SCARB1: variants seen among roughly 807,000 people sequenced by gnomAD.
SCARB1 encodes the protein scavenger receptor class B member 1, also known as CD36 and LIMPII analogous 1.
A neutral mutation model predicts 57.2 loss-of-function variants in SCARB1; 30 were observed. That is an observed-to-expected ratio of 0.52 (90% CI 0.39 to 0.71). SCARB1 has a LOEUF of 0.71. SCARB1 is among the 30% of genes least tolerant of loss of function. SCARB1 has a pLI of 0.00. For missense variants in SCARB1, 543 were observed against 671.2 expected (o/e 0.81, Z 2.11); for synonymous variants, 249 against 268.3 (o/e 0.93, Z 0.70).
In SCARB1 at chr12:124,844,701, G is replaced by A. The variant is rs371341364; in HGVS notation, c.126+18894C>T. 4.6e-5 allele frequency among the ~76,000 whole-genome samples: 7 copies of A among 152,232 alleles called. No individual in the cohort carries two copies. The South Asian group carries it at 8.3e-4, about 18-fold the overall frequency. On this transcript the variant is annotated intron_variant, in intron 1 of 12. Coordinates refer to ENST00000261693, the MANE Select transcript of SCARB1 (RefSeq NM_005505.5). ...CTATGAGGCCGGGAGAGGGGTCTCCGGAGAAGCCAGCCCTGCCAACATCCT... is the reference window on the plus strand; with the variant it reads ...CTATGAGGCCGGGAGAGGGGTCTCCAGAGAAGCCAGCCCTGCCAACATCCT...
chr12:124,843,183 T>C (rs941974762), intron 1 of SCARB1, among the ~76,000 whole-genome samples: 1 of 152,172 alleles, frequency 6.6e-6, no homozygotes, highest in Non-Finnish European at 1.5e-5. Flanking sequence ...CAGCCAGGGC[T>C]TTCTGGGTAA....
chr12:124,782,804 C>G lies in SCARB1; in HGVS notation c.1409G>C (p.Cys470Ser). The change falls in exon 12 of 13, where the codon TGC becomes TCC. Residue 470 changes from cysteine to serine, a missense_variant. Physicochemically the swap from Cys to Ser is moderately radical, Grantham distance 112. Coordinates refer to ENST00000261693, the MANE Select transcript of SCARB1 (RefSeq NM_005505.5). Reference sequence around the variant, plus strand: ...TTTACTACTACTCCAAAATAAATAGCATTTCTCCTAGAAGATAACCAAGCT... The same window carrying G: ...TTTACTACTACTCCAAAATAAATAGGATTTCTCCTAGAAGATAACCAAGCT... ...VICQIRSQEK[C>S]YLFWSSSKKG... The G allele has an allele frequency of 1.2e-6, 2 of 1,614,058 alleles. No individual in the cohort carries two copies. Among genetic ancestry groups the G allele is most frequent in the Non-Finnish European group, 1.7e-6 (2 of 1,179,918 alleles).
intron 1 of SCARB1, among the ~76,000 whole-genome samples, chr12:124,828,533 C>T (rs1951259146): frequency 6.6e-6 from 1 of 152,226 alleles, no homozygotes; most frequent in Non-Finnish European, 1.5e-5. Context: ...GGACGATCTG[C>T]CCGGCCCTGT....
chr12:124,855,293 A>G (rs1489792697), intron 1 of SCARB1, among the ~76,000 whole-genome samples: 1 of 151,992 alleles, frequency 6.6e-6, no homozygotes, highest in African/African-American at 2.4e-5. Flanking sequence ...CAAGAAAATT[A>G]AGACGGCCAG....
Position 124,810,241 on chromosome 12 carries a change from CA to C in SCARB1, c.774del (p.Gln260LysfsTer7), listed in dbSNP as rs749446809. 3.1e-6 allele frequency: 5 copies of C among 1,614,072 alleles called. No homozygotes were observed. Among genetic ancestry groups the C allele is most frequent in the Non-Finnish European group, 4.2e-6 (5 of 1,180,026 alleles). On this transcript the variant is annotated frameshift_variant, in exon 6 of 13. Transcript: ENST00000261693. LOFTEE classifies it high-confidence loss of function. The surrounding 1 kb of genome is among the most constrained non-coding windows in gnomAD (Gnocchi z 4.0). ...SDQCNMINGTSGQMWPPFMTP... is the reference protein window; with the variant it reads ...SDQCNMINGTXGQMWPPFMTP... ...GTCATGAAGGGCGGCCACATTTGCC[CA>C]GAAGTTCCATTGATCATGTTGCACT...
In SCARB1 at chr12:124,819,060, G is replaced by A. The variant is rs373278493; in HGVS notation, c.127-1353C>T. Among the ~76,000 whole-genome samples the A allele has an allele frequency of 9.2e-5, 14 of 151,948 alleles. No homozygotes were observed. In the South Asian group the frequency reaches 2.5e-3, roughly 27 times the overall value. On this transcript the variant is annotated intron_variant, in intron 1 of 12. Transcript: ENST00000261693. ...GAGGGTCACTTGAGCCAAGGAGGTC[G>A]AGGCTGCAGTGAGCTGTAATGGCGC...
intron 11 of SCARB1, chr12:124,785,607 T>G (rs1014455005): frequency 6.2e-6 from 1 of 162,458 alleles, no homozygotes; most frequent in Admixed American, 5.9e-5. Flanking sequence ...TGCATTCAGT[T>G]GGTGAGCCCT....
chr12:124,841,871 A>G (rs1311350963), intron 1 of SCARB1, among the ~76,000 whole-genome samples: 1 of 152,074 alleles, frequency 6.6e-6, no homozygotes, highest in Non-Finnish European at 1.5e-5. Flanking sequence ...GTGCTTCTCC[A>G]TGGCCCATCC....
intron 7 of SCARB1, among the ~76,000 whole-genome samples, chr12:124,803,082 G>A (rs1950189766): frequency 6.6e-6 from 1 of 152,236 alleles, no homozygotes; most frequent in East Asian, 1.9e-4. Flanking sequence ...AATTGCACCA[G>A]GGTGCTAAGG....
At chr12:124,840,347 T>G (rs1442552150) in intron 1 of SCARB1, among the ~76,000 whole-genome samples, 1 of 152,110 alleles carries the variant, frequency 6.6e-6, no homozygotes, top group East Asian at 1.9e-4. Flanking sequence ...CCGGCTAATT[T>G]TTGTATTTTT....
intron 1 of SCARB1, among the ~76,000 whole-genome samples, chr12:124,845,173 C>T (rs1658118782): frequency 6.6e-6 from 1 of 152,092 alleles, no homozygotes; most frequent in African/African-American, 2.4e-5. Flanking sequence ...AGCGAGTTCC[C>T]GAACATGCGC....
rs1039355366 is a variant in SCARB1 at position 124,812,760 on chromosome 12, A to G, written c.631-795T>C. On this transcript the variant is annotated intron_variant, in intron 4 of 12. Coordinates refer to ENST00000261693, the MANE Select transcript of SCARB1 (RefSeq NM_005505.5). The surrounding 1 kb of genome is among the most constrained non-coding windows in gnomAD (Gnocchi z 4.3). ...CAAGGTTGCCCGGCTGAGTGACTGC[A>G]CCCATCACAGACCTCCAGAGCAGGA... Among the ~76,000 whole-genome samples, 16 of 152,096 alleles carry G rather than the reference A, an allele frequency of 1.1e-4. No homozygotes were observed. Among genetic ancestry groups the G allele is most frequent in the Non-Finnish European group, 1.9e-4 (13 of 68,016 alleles).
intron 7 of SCARB1, among the ~76,000 whole-genome samples, chr12:124,801,619 C>T (rs1477737364): frequency 1.3e-5 from 2 of 151,942 alleles, no homozygotes; most frequent in Non-Finnish European, 2.9e-5. Context: ...CCCGTCTCTA[C>T]TAAAAATACA....
chr12:124,840,134 C>A (rs1195155056), intron 1 of SCARB1: 2 of 1,194,102 alleles, frequency 1.7e-6, no homozygotes, highest in Non-Finnish European at 1.1e-6. Context: ...ATTTCCCTAA[C>A]GATGAGCGAG....
chr12:124,792,567 C>T (rs1011461851), intron 9 of SCARB1, among the ~76,000 whole-genome samples: 2 of 151,714 alleles, frequency 1.3e-5, no homozygotes, highest in African/African-American at 4.9e-5. Flanking sequence ...ACTAAAAATA[C>T]AAAAATTAGC....
chr12:124,806,851 A>C (rs1950341630), intron 7 of SCARB1, among the ~76,000 whole-genome samples: 1 of 151,970 alleles, frequency 6.6e-6, no homozygotes, highest in Admixed American at 6.6e-5. Context: ...GCAGTGAGCT[A>C]TAATCGCACC....
Position 124,817,314 on chromosome 12 carries a change from T to C in SCARB1, c.284+236A>G, listed in dbSNP as rs547158046. Reference sequence around the variant, plus strand: ...GCGGAGGATCGCTTGAGCCCAGGACTTCAAAACCAGCCTGGGCAACATAGC... The same window carrying C: ...GCGGAGGATCGCTTGAGCCCAGGACCTCAAAACCAGCCTGGGCAACATAGC... On this transcript the variant is annotated intron_variant, in intron 2 of 12. Coordinates refer to ENST00000261693, the MANE Select transcript of SCARB1 (RefSeq NM_005505.5). The surrounding 1 kb of genome is among the most constrained non-coding windows in gnomAD (Gnocchi z 4.8). Among the ~76,000 whole-genome samples, 24 of 132,290 alleles carry C rather than the reference T, an allele frequency of 1.8e-4. 1 individual carries two copies. In the Admixed American group the frequency reaches 2.0e-3, roughly 11 times the overall value. 86.8% of individuals were successfully genotyped at this position (132,290 alleles called of 152,430 possible). A position where few individuals can be genotyped will look rare whatever the true frequency, so the allele number is the denominator to read the frequency against.
At chr12:124,853,781 T>A (rs1952522745) in intron 1 of SCARB1, among the ~76,000 whole-genome samples, 1 of 152,228 alleles carries the variant, frequency 6.6e-6, no homozygotes, top group East Asian at 1.9e-4. Flanking sequence ...AACAGCCCCA[T>A]GATGACACTC....
chr12:124,844,628 C>A (rs1467786466), intron 1 of SCARB1, among the ~76,000 whole-genome samples: 4 of 151,890 alleles, frequency 2.6e-5, no homozygotes, highest in Non-Finnish European at 5.9e-5. Context: ...GAGATTAGGA[C>A]CCGCAGAGAG....
Sources: gnomAD v4.1 joint callset for allele counts (sites outside exome capture counted in the v4.1 genomes callset) on GRCh38, gnomAD v4.1.1 for gene constraint, Gnocchi (gnomAD v3.1) non-coding constraint, MANE v1.5 for transcripts, NCBI Gene and HGNC (gene_info 2026-07-23, HGNC 2026-07-21) for gene names.